Variants in PWWP2B observed in about 807,000 individuals in gnomAD.
PWWP2B encodes the protein PWWP domain-containing protein 2B.
PWWP2B carries 9 observed loss-of-function variants against 15.5 expected under a neutral mutation model. That is an observed-to-expected ratio of 0.58 (90% CI 0.35 to 1.02). The LOEUF is 1.02. Ranked by LOEUF, PWWP2B falls within the 50% of genes least tolerant of loss-of-function variation. PWWP2B has a pLI of 0.02. For synonymous variants in PWWP2B, 474 were observed against 403.6 expected (o/e 1.17, Z -2.09); for missense variants, 864 against 865.3 (o/e 1.00, Z 0.02).
At position 132,417,346 on chromosome 10, in the gene PWWP2B, G is replaced by A. The variant is rs1404873115; in HGVS notation, c.*302G>A. ...GCTGCTGGCTGCTGCTGCCTCGCGC[G>A]CTGGGGTTCCATGGAGGAACTGGGC... On this transcript the variant is annotated 3_prime_UTR_variant, in exon 3 of 3. Transcript: ENST00000305233. 2.5e-5 allele frequency: 13 copies of A among 513,162 alleles called. No individual in the cohort carries two copies. The highest frequency in any genetic ancestry group is 4.8e-5 in the South Asian group (2 of 41,320). 31.8% of individuals were successfully genotyped at this position (513,162 alleles called of 1,614,324 possible). A position where few individuals can be genotyped will look rare whatever the true frequency, so the allele number is the denominator to read the frequency against.
At chr10:132,415,583 T>TCA (rs35554058) in intron 2 of PWWP2B, among the ~76,000 whole-genome samples, 12 of 137,900 alleles carry the variant, frequency 8.7e-5, no homozygotes, top group African/African-American at 3.3e-4. Context: ...ACACATCCAC[T>TCA]CACACACACC....
chr10:132,397,482 A>G, intron 1 of PWWP2B, 131 bp downstream of exon 1: 1 of 937,732 alleles, frequency 1.1e-6, no homozygotes, highest in Non-Finnish European at 1.3e-6. Flanking sequence ...GTTTCTGCCG[A>G]GCCTGAGTTT....
At position 132,417,506 on chromosome 10, in the gene PWWP2B, G is replaced by A. The variant is rs144178773; in HGVS notation, c.*462G>A. 1.5e-3 allele frequency: 283 copies of A among 184,174 alleles called. 1 individual carries two copies. The highest frequency in any genetic ancestry group is 5.4e-3 in the South Asian group (43 of 8,022). The allele number at this position is 184,174 out of a possible 1,614,324, so 11.4% of individuals were successfully genotyped here. ...GCAGTGTCCTGGAGGCAGCTGTCTC[G>A]CAGACTCAGCTTGGTCTCCCGCAGG... is the stretch of plus-strand genomic sequence containing the variant. On this transcript the variant is annotated 3_prime_UTR_variant, in exon 3 of 3. Coordinates refer to ENST00000305233, the MANE Select transcript of PWWP2B (RefSeq NM_138499.4).
At chr10:132,416,942 G>C in intron 2 of PWWP2B, 119 bp from the exon 3 acceptor site, 1 of 1,034,128 alleles carries the variant, frequency 9.7e-7, no homozygotes, top group Non-Finnish European at 1.5e-6. Flanking sequence ...GGGCGGTGGA[G>C]GTCCCGGGTG....
chr10:132,414,991 A>T (rs2069825723), intron 2 of PWWP2B, among the ~76,000 whole-genome samples: 1 of 152,148 alleles, frequency 6.6e-6, no homozygotes, highest in Non-Finnish European at 1.5e-5. Flanking sequence ...GCTTCTCTTT[A>T]ATTTGTGTTT....
chr10:132,405,253 G>T lies in PWWP2B; in HGVS notation c.753G>T (p.Pro251=), dbSNP rs764654449. The part of the protein sequence containing the change: ...RAPAEQVPRS[P]VIKISYSTPQ... ...CGGCAGAGCAGGTCCCGCGGAGCCC[G>T]GTCATCAAGATCTCCTACAGCACGC... Residue 251 remains proline, a synonymous_variant, in exon 2 of 3, where the codon CCG becomes CCT. Coordinates refer to ENST00000305233, the MANE Select transcript of PWWP2B (RefSeq NM_138499.4). The T allele has an allele frequency of 6.2e-6, 10 of 1,610,232 alleles. No individual in the cohort carries two copies. The highest frequency in any genetic ancestry group is 2.7e-5 in the African/African-American group (2 of 74,998).
Position 132,405,663 on chromosome 10 carries a change from A to C in PWWP2B, c.1163A>C (p.Asp388Ala). Residue 388 changes from aspartate (D) to alanine (A), a missense_variant, in exon 2 of 3, where the codon GAC becomes GCC. Coordinates refer to ENST00000305233, the MANE Select transcript of PWWP2B (RefSeq NM_138499.4). ...ADLSSGSSGE[D>A]DDFKSCPQGP... ...TTGTCTTCTGGAAGTTCGGGTGAGGACGATGACTTCAAGAGCTGTCCCCAG... is the reference window on the plus strand; with the variant it reads ...TTGTCTTCTGGAAGTTCGGGTGAGGCCGATGACTTCAAGAGCTGTCCCCAG... The C allele has an allele frequency of 1.2e-6, 2 of 1,612,450 alleles. No homozygotes were observed. Among genetic ancestry groups the C allele is most frequent in the Non-Finnish European group, 1.7e-6 (2 of 1,179,882 alleles).
Position 132,406,190 on chromosome 10 carries a change from C to G in PWWP2B, c.1690C>G (p.Arg564Gly), listed in dbSNP as rs1396502563. 1.2e-6 allele frequency: 2 copies of G among 1,613,234 alleles called. No individual in the cohort carries two copies. The highest frequency in any genetic ancestry group is 1.3e-5 in the African/African-American group (1 of 74,954). The stretch of plus-strand genomic sequence containing the variant: ...TAATCGTAAGAAGAAGGGGATGTAT[C>G]GGAAAGCTATAACCGAGGCTGCAAA... ...RFNRKKKGMY[R>G]KAITEAANAA... Residue 564 changes from arginine to glycine, a missense_variant, in exon 2 of 3, where the codon CGG becomes GGG. By Grantham distance (125) the Arg-to-Gly change is moderately radical. This residue lies in a region of PWWP2B where 128 missense variants were observed against 177.6 expected (regional missense o/e 0.72). Transcript: ENST00000305233.
chr10:132,399,094 C>G lies in PWWP2B; in HGVS notation c.125+1743C>G, dbSNP rs1399464243. ...TGAGCCTGAGTCTCCAGCCGGTTCT[C>G]TGCCCTTGTATTCCGAGTCCCAGGG... On this transcript the variant is annotated intron_variant, in intron 1 of 2. Transcript: ENST00000305233. Among the ~76,000 whole-genome samples the G allele has an allele frequency of 4.0e-5, 6 of 149,428 alleles. No homozygotes were observed. The East Asian group carries it at 1.2e-3, about 29-fold the overall frequency.
chr10:132,416,149 C>T (rs2069852411), intron 2 of PWWP2B, among the ~76,000 whole-genome samples: 1 of 152,082 alleles, frequency 6.6e-6, no homozygotes, highest in Non-Finnish European at 1.5e-5. Flanking sequence ...GGGGCAGGTC[C>T]CTCCAGTGAC....
chr10:132,403,325 C>T (rs780521787), intron 1 of PWWP2B, among the ~76,000 whole-genome samples: 1 of 152,238 alleles, frequency 6.6e-6, no homozygotes, highest in African/African-American at 2.4e-5. Flanking sequence ...GTCTCTTTCT[C>T]TCCATCTCCC....
intron 1 of PWWP2B, among the ~76,000 whole-genome samples, chr10:132,397,601 G>A (rs1001041057): frequency 6.6e-6 from 1 of 151,630 alleles, no homozygotes; most frequent in Admixed American, 6.6e-5. Flanking sequence ...CGGGGGGCGC[G>A]GGGCCGGGGT....
rs754825447 is a variant in PWWP2B, at chr10:132,406,054, C to T, written c.1554C>T (p.Asp518=). Residue 518 remains aspartate (D), a synonymous_variant, in exon 2 of 3, where the codon GAC becomes GAT. Coordinates refer to ENST00000305233, the MANE Select transcript of PWWP2B (RefSeq NM_138499.4). The stretch of plus-strand genomic sequence containing the variant: ...ACATCAGTCTCGGCCAGAAGGAGGA[C>T]GGAGAGCCGTCTTGGCGAGAAGCGA... The part of the protein sequence containing the change: ...VLDISLGQKE[D]GEPSWREAKV... The T allele has an allele frequency of 5.0e-6, 8 of 1,613,592 alleles. No homozygotes were observed. The highest frequency in any genetic ancestry group is 3.3e-5 in the Admixed American group (2 of 60,022).
At chr10:132,403,931 G>A (rs750841273) in intron 1 of PWWP2B, among the ~76,000 whole-genome samples, 1 of 152,200 alleles carries the variant, frequency 6.6e-6, no homozygotes, top group East Asian at 1.9e-4. Context: ...AGAGGGCTCA[G>A]CCCCGGGCCA....
intron 1 of PWWP2B, 29 bp from the exon 2 acceptor site, chr10:132,404,597 C>T (rs367899604): frequency 1.9e-6 from 3 of 1,590,840 alleles, no homozygotes; most frequent in Non-Finnish European, 2.6e-6. Flanking sequence ...GGTCCCTTCT[C>T]ACTGTGGTTT....
rs929729718 is a variant in PWWP2B at position 132,417,702 on chromosome 10, G to A, written c.*658G>A. ...CTGGCCTGCAGATGCTGCTACGAGTGACCAGTGCTGTGTGGAGGAGGCCAA... is the reference window on the plus strand; with the variant it reads ...CTGGCCTGCAGATGCTGCTACGAGTAACCAGTGCTGTGTGGAGGAGGCCAA... On this transcript the variant is annotated 3_prime_UTR_variant, in exon 3 of 3. Coordinates refer to ENST00000305233, the MANE Select transcript of PWWP2B (RefSeq NM_138499.4). The A allele has an allele frequency of 6.5e-6, 1 of 153,374 alleles. No homozygotes were observed. The highest frequency in any genetic ancestry group is 2.4e-5 in the African/African-American group (1 of 41,478). The allele number at this position is 153,374 out of a possible 1,614,324, so 9.5% of individuals were successfully genotyped here.
At chr10:132,409,190 G>C (rs1413404455) in intron 2 of PWWP2B, among the ~76,000 whole-genome samples, 6 of 152,190 alleles carry the variant, frequency 3.9e-5, no homozygotes, top group Non-Finnish European at 1.5e-5. Context: ...CCGGCTCCAG[G>C]GCCTGTGAAT....
intron 1 of PWWP2B, among the ~76,000 whole-genome samples, chr10:132,400,251 A>G (rs1376944016): frequency 6.6e-6 from 1 of 152,118 alleles, no homozygotes; most frequent in Non-Finnish European, 1.5e-5. Flanking sequence ...CCAGGGCACC[A>G]GGAGGCCTGG....
intron 2 of PWWP2B, among the ~76,000 whole-genome samples, chr10:132,409,784 G>A (rs1247816389): frequency 6.6e-6 from 1 of 152,220 alleles, no homozygotes; most frequent in Non-Finnish European, 1.5e-5. Flanking sequence ...AGGAAGGGAA[G>A]AGGGGCTTGA....
Sources: gnomAD v4.1 joint callset for allele counts (sites outside exome capture counted in the v4.1 genomes callset) on GRCh38, gnomAD v4.1.1 for gene constraint, gnomAD v4.1.1 regional missense constraint, MANE v1.5 for transcripts, NCBI Gene and HGNC (gene_info 2026-07-23, HGNC 2026-07-21) for gene names.